FRMPD1: variants seen among roughly 807,000 people sequenced by gnomAD.
FRMPD1 encodes FERM and PDZ domain containing 1, also known as FERM and PDZ domain-containing protein 1.
FRMPD1 carries 76 observed loss-of-function variants against 117.8 expected under a neutral mutation model. The ratio of observed to expected loss-of-function variants is 0.65; its 90% CI spans 0.54 to 0.78. The LOEUF is 0.78. Among genes scored for constraint, FRMPD1 ranks in the 30% least tolerant of loss-of-function variants. The probability of loss-of-function intolerance (pLI) is 0.00; values close to 1 mark genes in which losing one functional copy is unlikely to be tolerated. For missense variants in FRMPD1, 1,786 were observed against 1,964.5 expected (o/e 0.91, Z 1.72); for synonymous variants, 783 against 770.4 (o/e 1.02, Z -0.27).
At chr9:37,729,189 C>T (rs1052612796) in intron 7 of FRMPD1, among the ~76,000 whole-genome samples, 1 of 151,604 alleles carries the variant, frequency 6.6e-6, no homozygotes, top group Non-Finnish European at 1.5e-5. Flanking sequence ...TCAAGACCAG[C>T]CTGGCCAACA....
upstream of FRMPD1, among the ~76,000 whole-genome samples, chr9:37,646,070 C>T (rs1824134733): frequency 6.6e-6 from 1 of 152,184 alleles, no homozygotes; most frequent in South Asian, 2.1e-4. Context: ...AGTAGCTCAG[C>T]AGAAGTGCTG....
intron 5 of FRMPD1, among the ~76,000 whole-genome samples, chr9:37,716,957 G>C (rs1159960335): frequency 1.3e-5 from 2 of 152,144 alleles, no homozygotes; most frequent in Non-Finnish European, 2.9e-5. Flanking sequence ...TTCAACCAAG[G>C]CATTGCTAAA....
At chr9:37,695,451 G>C (rs1424603907) in intron 2 of FRMPD1, among the ~76,000 whole-genome samples, 2 of 152,116 alleles carry the variant, frequency 1.3e-5, no homozygotes, top group Non-Finnish European at 2.9e-5. Flanking sequence ...TGCTTTCCAA[G>C]TGCTTGAGAA....
At chr9:37,718,810 A>T (rs2118251835) in intron 5 of FRMPD1, among the ~76,000 whole-genome samples, 1 of 152,150 alleles carries the variant, frequency 6.6e-6, no homozygotes, top group South Asian at 2.1e-4. Flanking sequence ...ACAGGCCAGA[A>T]CTCTTTGTCT....
At chr9:37,708,197 T>C (rs1472769573) in intron 3 of FRMPD1, among the ~76,000 whole-genome samples, 1 of 152,204 alleles carries the variant, frequency 6.6e-6, no homozygotes, top group Non-Finnish European at 1.5e-5. Context: ...CCCTGGAAGT[T>C]GGTGATAGAT....
chr9:37,675,915 C>G (rs754224076), intron 1 of FRMPD1, among the ~76,000 whole-genome samples: 3 of 152,192 alleles, frequency 2.0e-5, no homozygotes, highest in Non-Finnish European at 4.4e-5. Flanking sequence ...CCCTGGAGAA[C>G]CTTTGCTTCA....
chr9:37,720,035 G>A (rs926935102), intron 6 of FRMPD1, among the ~76,000 whole-genome samples: 10 of 152,098 alleles, frequency 6.6e-5, no homozygotes, highest in Admixed American at 6.5e-4. Context: ...AAGGCCGGGG[G>A]AGTCACAGGG....
At chr9:37,633,999 C>T in the FRMPD1 span, among the ~76,000 whole-genome samples, 2 of 152,218 alleles carry the variant, frequency 1.3e-5, no homozygotes, top group African/African-American at 2.4e-5. Context: ...CTCTCTAACA[C>T]TTTGTTCTTC....
intron 1 of FRMPD1, among the ~76,000 whole-genome samples, chr9:37,651,464 C>A (rs1820673133): frequency 6.6e-6 from 1 of 152,260 alleles, no homozygotes; most frequent in Non-Finnish European, 1.5e-5. Context: ...CCTCGATGGC[C>A]ACACCTGAAC....
chr9:37,606,820 C>CA, the FRMPD1 span, among the ~76,000 whole-genome samples: 22,655 of 152,142 alleles, frequency 0.15, 2,132 homozygotes, highest in Admixed American at 0.21. Flanking sequence ...CTGGGACACA[C>CA]AGCCAGAGAG....
Position 37,735,612 on chromosome 9 carries a change from G to A in FRMPD1, c.1279G>A (p.Val427Ile), listed in dbSNP as rs1461652675. The change falls in exon 13 of 16, where the codon GTT becomes ATT. Residue 427 changes from valine to isoleucine, a missense_variant. Coordinates refer to ENST00000377765, the MANE Select transcript of FRMPD1 (RefSeq NM_014907.3). ...TGGAGCCAAGTATGGGATTAGCCAGGTTATCAATAGCAAACTCAACATCAT... is the reference window on the plus strand; with the variant it reads ...TGGAGCCAAGTATGGGATTAGCCAGATTATCAATAGCAAACTCAACATCAT... Reference protein sequence around the residue: ...LVGAKYGISQVINSKLNIMST... With the variant: ...LVGAKYGISQIINSKLNIMST... The A allele has an allele frequency of 1.2e-6, 2 of 1,613,886 alleles. No individual in the cohort carries two copies. Among genetic ancestry groups the A allele is most frequent in the East Asian group, 2.2e-5 (1 of 44,882 alleles).
intron 1 of FRMPD1, among the ~76,000 whole-genome samples, chr9:37,691,116 A>G (rs1361025081): frequency 6.6e-6 from 1 of 152,254 alleles, no homozygotes; most frequent in African/African-American, 2.4e-5. Flanking sequence ...AGAACTGGGC[A>G]CAGGAAGAGG....
At chr9:37,650,373 G>C (rs1820627546), upstream of FRMPD1, among the ~76,000 whole-genome samples, 1 of 152,184 alleles carries the variant, frequency 6.6e-6, no homozygotes, top group African/African-American at 2.4e-5. Context: ...CGAGGGAGTG[G>C]CTGGAGAGGG....
At chr9:37,612,039 C>A in the FRMPD1 span, among the ~76,000 whole-genome samples, 24,726 of 152,150 alleles carry the variant, frequency 0.16, 2,397 homozygotes, top group African/African-American at 0.27. Context: ...GTCCCAGCAC[C>A]TATGCAAAAT....
intron 6 of FRMPD1, among the ~76,000 whole-genome samples, chr9:37,719,694 T>C (rs765124064): frequency 3.3e-5 from 5 of 152,170 alleles, no homozygotes; most frequent in Non-Finnish European, 7.3e-5. Context: ...TTAAGAGACT[T>C]AACCTCTAAG....
chr9:37,745,378 G>A lies in FRMPD1; in HGVS notation c.3346G>A (p.Val1116Ile), dbSNP rs1432510491. The A allele has an allele frequency of 1.2e-6, 2 of 1,614,148 alleles. No homozygotes were observed. Among genetic ancestry groups the A allele is most frequent in the South Asian group, 1.1e-5 (1 of 91,086 alleles). ...ACTATCTCTGGAAAGAGACAGAGAA[G>A]TTACAAACAAAAATGGCACCAACGT... Reference protein sequence around the residue: ...GQLSLERDREVTNKNGTNVFQ... With the variant: ...GQLSLERDREITNKNGTNVFQ... Residue 1116 changes from valine (V) to isoleucine (I), a missense_variant, in exon 16 of 16, where the codon GTT becomes ATT. Physicochemically the swap from Val to Ile is conservative, Grantham distance 29. Coordinates refer to ENST00000377765, the MANE Select transcript of FRMPD1 (RefSeq NM_014907.3).
At chr9:37,625,804 C>A in the FRMPD1 span, among the ~76,000 whole-genome samples, 1 of 152,244 alleles carries the variant, frequency 6.6e-6, no homozygotes, top group South Asian at 2.1e-4. Flanking sequence ...AGGAGCCCTC[C>A]TCGTGTCCAC....
intron 6 of FRMPD1, among the ~76,000 whole-genome samples, chr9:37,724,014 TAAAAA>T (rs949135269): frequency 6.9e-6 from 1 of 145,432 alleles, no homozygotes; most frequent in Non-Finnish European, 1.5e-5. Context: ...ATAAAAAAAA[TAAAAA>T]AAAATAAAAG....
intron 1 of FRMPD1, 69 bp from the exon 2 acceptor site, chr9:37,692,569 T>C: frequency 1.0e-6 from 1 of 984,938 alleles, no homozygotes. Flanking sequence ...GGAAGCATCG[T>C]CCTGATTTAT....
Sources: gnomAD v4.1 joint callset for allele counts (sites outside exome capture counted in the v4.1 genomes callset) on GRCh38, gnomAD v4.1.1 for gene constraint, MANE v1.5 for transcripts, NCBI Gene and HGNC (gene_info 2026-07-23, HGNC 2026-07-21) for gene names.